Variants in TAF4B observed in about 807,000 individuals in gnomAD.
The protein encoded by TAF4B is transcription initiation factor TFIID subunit 4B.
TAF4B carries 38 observed loss-of-function variants against 86.4 expected under a neutral mutation model. That is an observed-to-expected ratio of 0.44 (90% CI 0.34 to 0.58). The LOEUF is 0.58. Ranked by LOEUF, TAF4B falls within the 20% of genes least tolerant of loss-of-function variation. The pLI is 0.02. For missense variants in TAF4B, 988 were observed against 1,027.6 expected (o/e 0.96, Z 0.53); for synonymous variants, 388 against 391.2 (o/e 0.99, Z 0.10).
intron 11 of TAF4B, among the ~76,000 whole-genome samples, chr18:26,321,643 A>T (rs1006347901): frequency 6.6e-6 from 1 of 151,958 alleles, no homozygotes; most frequent in African/African-American, 2.4e-5. Flanking sequence ...CAACGTGTTA[A>T]AGATACACAT....
intron 12 of TAF4B, among the ~76,000 whole-genome samples, chr18:26,329,892 C>T (rs533033832): frequency 2.6e-5 from 4 of 152,178 alleles, no homozygotes; most frequent in Admixed American, 2.6e-4. Flanking sequence ...GCAGCCTTGG[C>T]CTCTTGGGCT....
At chr18:26,332,969 A>G (rs564624129) in intron 12 of TAF4B, among the ~76,000 whole-genome samples, 97 of 151,898 alleles carry the variant, frequency 6.4e-4, no homozygotes, top group Non-Finnish European at 1.1e-3. Context: ...TTCCTCGAGT[A>G]TATTCCCATT....
At chr18:26,372,551 C>T (rs1363298928) in intron 14 of TAF4B, among the ~76,000 whole-genome samples, 1 of 152,214 alleles carries the variant, frequency 6.6e-6, no homozygotes, top group Non-Finnish European at 1.5e-5. Flanking sequence ...TACTAACCTA[C>T]ATCAGGGCTA....
At position 26,390,172 on chromosome 18, in the gene TAF4B, A is replaced by C; in HGVS notation, c.*160A>C. On this transcript the variant is annotated 3_prime_UTR_variant, in exon 15 of 15. Transcript: ENST00000269142. ...TTATTAACTCTTACCTATCCATCTC[A>C]TGGGACTCTTACAGACTCAGATTCA... is the stretch of plus-strand genomic sequence containing the variant. 554 of 635,408 alleles carry C rather than the reference A, an allele frequency of 8.7e-4. No individual in the cohort carries two copies. Among genetic ancestry groups the C allele is most frequent in the East Asian group, 1.0e-3 (35 of 34,408 alleles). The allele number at this position is 635,408 out of a possible 1,614,324, so 39.4% of individuals were successfully genotyped here. A position where few individuals can be genotyped will look rare whatever the true frequency, so the allele number is the denominator to read the frequency against.
intron 3 of TAF4B, 51 bp from the exon 4 acceptor site, chr18:26,274,612 C>T (rs1174116676): frequency 6.3e-7 from 1 of 1,594,502 alleles, no homozygotes; most frequent in Non-Finnish European, 8.6e-7. Context: ...GAGGCACCCA[C>T]TAATGTATCA....
chr18:26,329,921 C>G (rs1444740759), intron 12 of TAF4B, among the ~76,000 whole-genome samples: 4 of 152,202 alleles, frequency 2.6e-5, no homozygotes, highest in Non-Finnish European at 2.9e-5. Flanking sequence ...CCTCCCACCT[C>G]AGCCCCCCAA....
intron 9 of TAF4B, among the ~76,000 whole-genome samples, chr18:26,311,731 G>A (rs1259253995): frequency 6.6e-6 from 1 of 152,224 alleles, no homozygotes; most frequent in Non-Finnish European, 1.5e-5. Context: ...ATGGAAGGAA[G>A]GGGGAAGAGT....
At position 26,243,665 on chromosome 18, in the gene TAF4B, T is replaced by C. The variant is rs181166756; in HGVS notation, c.343+16389T>C. On this transcript the variant is annotated intron_variant, in intron 1 of 14. Coordinates refer to ENST00000269142, the MANE Select transcript of TAF4B (RefSeq NM_005640.3). Reference sequence around the variant, plus strand: ...TTCCTTTGGAGGAGAAAAGGCGCTCTGAATTTTAGAATTTTCAGCTTTTCT... The same window carrying C: ...TTCCTTTGGAGGAGAAAAGGCGCTCCGAATTTTAGAATTTTCAGCTTTTCT... 1.9e-4 allele frequency among the ~76,000 whole-genome samples: 29 copies of C among 152,354 alleles called. No individual in the cohort carries two copies. In the East Asian group the frequency reaches 5.2e-3, roughly 27 times the overall value.
At chr18:26,293,570 A>AT (rs747218173) in intron 9 of TAF4B, 39 bp downstream of exon 9, 257 of 1,362,698 alleles carry the variant, frequency 1.9e-4, no homozygotes, top group Non-Finnish European at 2.1e-4. Context: ...TAAGGAAGTA[A>AT]TTTTTTTTTA....
chr18:26,253,732 C>G (rs1270050050), intron 1 of TAF4B, among the ~76,000 whole-genome samples: 1 of 152,050 alleles, frequency 6.6e-6, no homozygotes, highest in Non-Finnish European at 1.5e-5. Context: ...TCTTTTGATT[C>G]AATATCTTCA....
At chr18:26,337,521 C>G (rs968659744) in intron 13 of TAF4B, among the ~76,000 whole-genome samples, 3 of 148,570 alleles carry the variant, frequency 2.0e-5, no homozygotes, top group Non-Finnish European at 4.4e-5. Flanking sequence ...CTCCCAGGTT[C>G]AAGCGATTCT....
chr18:26,226,769 G>A lies in TAF4B; in HGVS notation c.-165G>A, dbSNP rs982948467. On this transcript the variant is annotated 5_prime_UTR_variant, in exon 1 of 15. The change creates a new upstream start codon in the 5' untranslated region. Coordinates refer to ENST00000269142, the MANE Select transcript of TAF4B (RefSeq NM_005640.3). ...AGGTCCGGGACGCGCGTGTCCTGCC[G>A]TGCAGCGGGCGCCCGTCACTGACTT... is the stretch of plus-strand genomic sequence containing the variant. 3.9e-6 allele frequency: 2 copies of A among 513,628 alleles called. No individual in the cohort carries two copies. Among genetic ancestry groups the A allele is most frequent in the African/African-American group, 2.0e-5 (1 of 49,584 alleles). 31.8% of individuals were successfully genotyped at this position (513,628 alleles called of 1,614,324 possible).
At chr18:26,281,935 A>G in intron 5 of TAF4B, 36 bp from the exon 6 acceptor site, 1 of 1,455,538 alleles carries the variant, frequency 6.9e-7, no homozygotes, top group East Asian at 2.3e-5. Context: ...AAAGATTTGT[A>G]GACTTAAAAT....
chr18:26,299,125 T>G (rs1297925759), intron 9 of TAF4B, among the ~76,000 whole-genome samples: 1 of 152,034 alleles, frequency 6.6e-6, no homozygotes, highest in East Asian at 1.9e-4. Context: ...CCTCCCAAAG[T>G]GCTGGGATTA....
At chr18:26,261,078 T>G (rs1236504559) in intron 1 of TAF4B, among the ~76,000 whole-genome samples, 15 of 152,008 alleles carry the variant, frequency 9.9e-5, no homozygotes, top group African/African-American at 3.6e-4. Flanking sequence ...AAAAAAGGTC[T>G]GGCTAGACTG....
intron 14 of TAF4B, among the ~76,000 whole-genome samples, chr18:26,370,313 A>AATCTTGTAAG: frequency 6.6e-6 from 1 of 152,250 alleles, no homozygotes; most frequent in Non-Finnish European, 1.5e-5. Flanking sequence ...TTGAACTTCC[A>AATCTTGTAAG]ATCTTGTAAG....
chr18:26,242,420 C>A (rs191638563), intron 1 of TAF4B, among the ~76,000 whole-genome samples: 2 of 151,662 alleles, frequency 1.3e-5, no homozygotes, highest in Admixed American at 1.3e-4. Flanking sequence ...TGCCTTTTTT[C>A]GTTTTCCATT....
intron 5 of TAF4B, among the ~76,000 whole-genome samples, chr18:26,279,118 G>A (rs1376306491): frequency 6.6e-6 from 1 of 152,036 alleles, no homozygotes; most frequent in African/African-American, 2.4e-5. Flanking sequence ...TCTATGCCTA[G>A]GAAATCTTAA....
chr18:26,383,642 T>C (rs1056488327), intron 14 of TAF4B, among the ~76,000 whole-genome samples: 2 of 152,222 alleles, frequency 1.3e-5, no homozygotes, highest in African/African-American at 2.4e-5. Flanking sequence ...GGCAGTATAT[T>C]ATCTCTATAG....
Sources: allele counts gnomAD v4.1 joint callset (sites outside exome capture counted in the v4.1 genomes callset), GRCh38; gene constraint gnomAD v4.1.1; transcripts MANE v1.5; gene names NCBI Gene and HGNC (gene_info 2026-07-23, HGNC 2026-07-21).